Variants in BZW2 observed in about 807,000 individuals in gnomAD.
BZW2 encodes basic leucine zipper and W2 domains 2.
A neutral mutation model predicts 53.2 loss-of-function variants in BZW2; 23 were observed. That is an observed-to-expected ratio of 0.43 (90% confidence interval 0.31 to 0.61). The LOEUF (loss-of-function observed/expected upper bound fraction) is 0.61. Ranked by LOEUF, BZW2 falls within the 20% of genes least tolerant of loss-of-function variation. BZW2 has a pLI of 0.09. For missense variants in BZW2, 409 were observed against 503.1 expected, an observed-to-expected ratio of 0.81 and a Z score of 1.79; for synonymous variants, 227 against 186.4, an observed-to-expected ratio of 1.22 and a Z score of -1.77.
intron 1 of BZW2, chr7:16,661,432 C>T (rs1257622828): frequency 6.6e-6 from 1 of 151,972 alleles, no homozygotes; most frequent in Non-Finnish European, 1.5e-5. Context: ...ATTGTCACAC[C>T]TGGGCCCAGA....
At chr7:16,697,882 T>C (rs879487814) in intron 9 of BZW2, 166 bp from the exon 10 acceptor site, 6 of 743,868 alleles carry the variant, frequency 8.1e-6, no homozygotes, top group Non-Finnish European at 1.3e-5. Flanking sequence ...TTGTTCCTAC[T>C]GTTCTGTTCC....
At chr7:16,674,682 GT>G in intron 3 of BZW2, 94 bp downstream of exon 3, 1 of 1,080,854 alleles carries the variant, frequency 9.3e-7, no homozygotes, top group Non-Finnish European at 1.2e-6. Context: ...ATAAGTTTAT[GT>G]TTATTAGAGT....
chr7:16,656,968 G>C (rs1317838755), intron 1 of BZW2, among the ~76,000 whole-genome samples: 2 of 152,054 alleles, frequency 1.3e-5, no homozygotes, highest in African/African-American at 4.8e-5. Flanking sequence ...GCCAACACAA[G>C]ACATCCCAGG....
chr7:16,681,089 G>A (rs1782930484), intron 3 of BZW2, among the ~76,000 whole-genome samples: 1 of 152,144 alleles, frequency 6.6e-6, no homozygotes, highest in Admixed American at 6.5e-5. Flanking sequence ...CAGCCTGGGT[G>A]ACAGAGTGTG....
intron 1 of BZW2, among the ~76,000 whole-genome samples, chr7:16,657,594 A>C (rs1405896051): frequency 6.6e-6 from 1 of 152,224 alleles, no homozygotes; most frequent in Non-Finnish European, 1.5e-5. Flanking sequence ...TTTCAGAAAT[A>C]AATTGTTAGT....
intron 7 of BZW2, among the ~76,000 whole-genome samples, chr7:16,691,606 G>A (rs1444308591): frequency 6.6e-6 from 1 of 152,196 alleles, no homozygotes; most frequent in Non-Finnish European, 1.5e-5. Context: ...TGCCATGCCT[G>A]GCAATAGATT....
intron 10 of BZW2, among the ~76,000 whole-genome samples, chr7:16,703,391 GA>G (rs368031624): frequency 0.015 from 2,220 of 152,026 alleles, 26 homozygotes; most frequent in Non-Finnish European, 0.025. Flanking sequence ...CATTTTCCAA[GA>G]GCCAATAATT....
At chr7:16,686,073 C>A in intron 6 of BZW2, 33 bp downstream of exon 6, 1 of 1,607,776 alleles carries the variant, frequency 6.2e-7, no homozygotes, top group Non-Finnish European at 8.5e-7. Flanking sequence ...GCCTGTCAGA[C>A]AACAAAAGAA....
chr7:16,681,426 G>A (rs745323912), intron 4 of BZW2, 22 bp downstream of exon 4: 3 of 1,587,456 alleles, frequency 1.9e-6, no homozygotes, highest in Non-Finnish European at 2.6e-6. Context: ...TTGAGAGACT[G>A]AAGCATTTGA....
intron 3 of BZW2, among the ~76,000 whole-genome samples, chr7:16,677,498 T>C (rs529414304): frequency 1.3e-5 from 2 of 152,256 alleles, no homozygotes; most frequent in East Asian, 3.9e-4. Context: ...GTTGTGTAGT[T>C]GAGATTTCCT....
intron 9 of BZW2, among the ~76,000 whole-genome samples, chr7:16,697,442 T>A (rs966876469): frequency 6.6e-6 from 1 of 152,210 alleles, no homozygotes; most frequent in African/African-American, 2.4e-5. Flanking sequence ...ACAATTACCC[T>A]AGACTCAGAC....
chr7:16,677,182 C>T (rs1290651063), intron 3 of BZW2, among the ~76,000 whole-genome samples: 2 of 152,070 alleles, frequency 1.3e-5, no homozygotes. Flanking sequence ...AGTCATTATC[C>T]TTCCCACTGT....
chr7:16,673,472 GC>G (rs1782671777), intron 2 of BZW2, among the ~76,000 whole-genome samples: 1 of 152,152 alleles, frequency 6.6e-6, no homozygotes, highest in Non-Finnish European at 1.5e-5. Flanking sequence ...CTGCCATTAA[GC>G]CAGGCATTAA....
chr7:16,661,660 C>T (rs1440319463), intron 1 of BZW2, among the ~76,000 whole-genome samples: 2 of 152,034 alleles, frequency 1.3e-5, no homozygotes, highest in East Asian at 1.9e-4. Context: ...GTATTCTTAT[C>T]GCCTTCTTTT....
intron 3 of BZW2, among the ~76,000 whole-genome samples, chr7:16,676,415 G>A (rs1431617282): frequency 6.6e-6 from 1 of 152,082 alleles, no homozygotes; most frequent in African/African-American, 2.4e-5. Flanking sequence ...GGGCATAGTG[G>A]TGGGTGCCTG....
At chr7:16,696,315 G>T (rs928954983) in intron 8 of BZW2, among the ~76,000 whole-genome samples, 3 of 152,140 alleles carry the variant, frequency 2.0e-5, no homozygotes, top group African/African-American at 7.2e-5. Context: ...GTATAAATTT[G>T]CATATTTATA....
intron 1 of BZW2, among the ~76,000 whole-genome samples, chr7:16,663,473 A>T (rs1173338777): frequency 6.6e-6 from 1 of 152,132 alleles, no homozygotes; most frequent in African/African-American, 2.4e-5. Context: ...TTTCTCTTCT[A>T]AAATAATGAT....
chr7:16,686,613 T>G (rs111537303), intron 6 of BZW2: 2 of 152,702 alleles, frequency 1.3e-5, no homozygotes, highest in African/African-American at 4.8e-5. Context: ...GTCGGCTGTT[T>G]ACTTGTAGGA....
chr7:16,683,729 T>C (rs1400134546), intron 5 of BZW2, among the ~76,000 whole-genome samples: 1 of 152,224 alleles, frequency 6.6e-6, no homozygotes, highest in African/African-American at 2.4e-5. Flanking sequence ...CCCACTACCT[T>C]TACTTGTTTC....
Sources: gnomAD v4.1 joint callset for allele counts (sites outside exome capture counted in the v4.1 genomes callset) on GRCh38, gnomAD v4.1.1 for gene constraint, MANE v1.5 for transcripts, NCBI Gene and HGNC (gene_info 2026-07-23, HGNC 2026-07-21) for gene names.